SLFN5: variants seen among roughly 807,000 people sequenced by gnomAD.
SLFN5 encodes the protein schlafen family member 5.
SLFN5 carries 34 observed loss-of-function variants against 48.5 expected under a neutral mutation model. That is an observed-to-expected ratio of 0.70 (90% CI 0.53 to 0.93). SLFN5 has a LOEUF of 0.93. Ranked by LOEUF, SLFN5 falls within the 40% of genes least tolerant of loss-of-function variation. SLFN5 has a pLI of 0.00. For missense variants in SLFN5, 1,006 were observed against 1,071.3 expected (o/e 0.94, Z 0.85); for synonymous variants, 387 against 396.2 (o/e 0.98, Z 0.28).
intron 2 of SLFN5, among the ~76,000 whole-genome samples, chr17:35,260,713 T>A (rs7210615): frequency 0.61 from 92,122 of 151,954 alleles, 28,129 homozygotes; most frequent in Middle Eastern, 0.75. Flanking sequence ...ACTGTTTCAA[T>A]AAATAAATAA....
At chr17:35,260,795 AT>A (rs999445185) in intron 2 of SLFN5, among the ~76,000 whole-genome samples, 175 bp from the exon 3 acceptor site, 15 of 152,074 alleles carry the variant, frequency 9.9e-5, no homozygotes, top group Admixed American at 9.2e-4. Context: ...ATGCTAGGTT[AT>A]TTTTTCCTTC....
intron 3 of SLFN5, among the ~76,000 whole-genome samples, chr17:35,262,042 A>G (rs562997264): frequency 1.2e-4 from 18 of 152,166 alleles, no homozygotes; most frequent in African/African-American, 3.9e-4. Context: ...CAATGCTATA[A>G]TATACATTTT....
chr17:35,250,557 G>T (rs927246035), intron 1 of SLFN5, among the ~76,000 whole-genome samples: 2 of 152,062 alleles, frequency 1.3e-5, no homozygotes, highest in African/African-American at 4.8e-5. Context: ...CTACTCGGGA[G>T]GCTGAGGCAG....
At chr17:35,264,091 A>C in intron 3 of SLFN5, 92 bp from the exon 4 acceptor site, 2 of 1,418,374 alleles carry the variant, frequency 1.4e-6, no homozygotes, top group Non-Finnish European at 1.9e-6. Context: ...TACATAGTAG[A>C]GTCCCAGTGT....
chr17:35,264,060 T>C (rs994514545), intron 3 of SLFN5, 123 bp from the exon 4 acceptor site: 2 of 1,151,950 alleles, frequency 1.7e-6, no homozygotes, highest in Admixed American at 3.1e-5. Context: ...TTTTTATTAC[T>C]AATGTATAAC....
rs1240924632 is a variant in SLFN5 at position 35,255,910 on chromosome 17, CT to C, written c.-40-2737del. On this transcript the variant is annotated intron_variant, in intron 1 of 4. Coordinates refer to ENST00000299977, the MANE Select transcript of SLFN5 (RefSeq NM_144975.4). ...TTTTGAATGTTCTATTATTTCCTTA[CT>C]TTTCTTTATGATATTACTACCTATA... 6.3e-4 allele frequency among the ~76,000 whole-genome samples: 96 copies of C among 152,264 alleles called. 1 individual carries two copies. Among genetic ancestry groups the C allele is most frequent in the African/African-American group, 2.3e-3 (95 of 41,550 alleles).
chr17:35,262,910 C>T (rs897546674), intron 3 of SLFN5, among the ~76,000 whole-genome samples: 1 of 152,098 alleles, frequency 6.6e-6, no homozygotes, highest in Non-Finnish European at 1.5e-5. Flanking sequence ...CAAACTCTCC[C>T]CAAATCCCTA....
At chr17:35,243,476 A>G (rs768741949) in intron 1 of SLFN5, among the ~76,000 whole-genome samples, 67 of 152,322 alleles carry the variant, frequency 4.4e-4, no homozygotes, top group Admixed American at 2.6e-4. Flanking sequence ...AGCACGAAGG[A>G]CTTAAGGGAA....
At chr17:35,246,117 A>T (rs556044161) in intron 1 of SLFN5, among the ~76,000 whole-genome samples, 2 of 152,252 alleles carry the variant, frequency 1.3e-5, no homozygotes, top group South Asian at 4.1e-4. Context: ...CAATGTGCTT[A>T]TTTGTATCCA....
At chr17:35,249,050 A>T (rs545664730) in intron 1 of SLFN5, among the ~76,000 whole-genome samples, 1 of 152,320 alleles carries the variant, frequency 6.6e-6, no homozygotes, top group East Asian at 1.9e-4. Flanking sequence ...GCAAACAAAA[A>T]AATAAAACTG....
At position 35,258,853 on chromosome 17, in the gene SLFN5, G is replaced by C. The variant is rs994345205; in HGVS notation, c.163G>C (p.Gly55Arg). 1 of 1,614,182 alleles carries C rather than the reference G, an allele frequency of 6.2e-7. No homozygotes were observed. Among genetic ancestry groups the C allele is most frequent in the Admixed American group, 1.7e-5 (1 of 60,020 alleles). The change falls in exon 2 of 5, where the codon GGG becomes CGG. Residue 55 changes from glycine to arginine, a missense_variant. Transcript: ENST00000299977. ...RAVCALLNSG[G>R]GIIKAEIENK... Reference sequence around the variant, plus strand: ...AGTATGTGCTCTGCTGAATTCTGGTGGGGGCATAATCAAGGCTGAGATTGA... The same window carrying C: ...AGTATGTGCTCTGCTGAATTCTGGTCGGGGCATAATCAAGGCTGAGATTGA...
At chr17:35,259,820 A>AG in intron 2 of SLFN5, 118 bp downstream of exon 2, 1 of 1,241,156 alleles carries the variant, frequency 8.1e-7, no homozygotes. Flanking sequence ...TTACTCTCTG[A>AG]TTTGCAATTG....
chr17:35,257,595 T>C lies in SLFN5; in HGVS notation c.-40-1056T>C, dbSNP rs532472539. 2.5e-4 allele frequency among the ~76,000 whole-genome samples: 38 copies of C among 152,016 alleles called. No homozygotes were observed. The South Asian group carries it at 4.6e-3, about 18-fold the overall frequency. ...TGCTTGATGTCTTGTGGAGTTACTA[T>C]GGAGCAAGCTGAATAACTGCAGCCT... On this transcript the variant is annotated intron_variant, in intron 1 of 4. Coordinates refer to ENST00000299977, the MANE Select transcript of SLFN5 (RefSeq NM_144975.4).
Position 35,265,453 on chromosome 17 carries a change from A to G in SLFN5, c.2241A>G (p.Glu747=), listed in dbSNP as rs765575450. ...CTGGGTCCCTGGTGATGCTCTATGA[A>G]CCTAAATGGGCTCAAGGTGTCCCAG... ...LPPGSLVMLY[E]PKWAQGVPGN... The change falls in exon 5 of 5, where the codon GAA becomes GAG. Residue 747 remains glutamate (E), a synonymous_variant. Coordinates refer to ENST00000299977, the MANE Select transcript of SLFN5 (RefSeq NM_144975.4). 1 of 1,613,554 alleles carries G rather than the reference A, an allele frequency of 6.2e-7. No individual in the cohort carries two copies. Among genetic ancestry groups the G allele is most frequent in the South Asian group, 1.1e-5 (1 of 91,086 alleles).
rs1904764756 is a variant in SLFN5 at position 35,268,822 on chromosome 17, A to G, written c.*2934A>G. On this transcript the variant is annotated 3_prime_UTR_variant, in exon 5 of 5. Coordinates refer to ENST00000299977, the MANE Select transcript of SLFN5 (RefSeq NM_144975.4). Reference sequence around the variant, plus strand: ...TTGAAGGCCTGTCCCACTGTACCCAATTTCTCCCTCTCTGAACTGCAGCCT... The same window carrying G: ...TTGAAGGCCTGTCCCACTGTACCCAGTTTCTCCCTCTCTGAACTGCAGCCT... 1 of 152,196 alleles carries G rather than the reference A, an allele frequency of 6.6e-6. No homozygotes were observed. Among genetic ancestry groups the G allele is most frequent in the African/African-American group, 2.4e-5 (1 of 41,434 alleles). 9.4% of individuals were successfully genotyped at this position (152,196 alleles called of 1,614,324 possible).
chr17:35,256,998 G>T (rs1233535220), intron 1 of SLFN5, among the ~76,000 whole-genome samples: 1 of 152,138 alleles, frequency 6.6e-6, no homozygotes, highest in Non-Finnish European at 1.5e-5. Flanking sequence ...TGTGAACTGT[G>T]CATGTGAGGG....
Position 35,266,058 on chromosome 17 carries a change from G to C in SLFN5, c.*170G>C, listed in dbSNP as rs977908964. On this transcript the variant is annotated 3_prime_UTR_variant, in exon 5 of 5. Transcript: ENST00000299977. ...AGATTCCTCCTTTAGGGCAGAGACA[G>C]ACCACTGACAAATACACAGATAGAC... 1 of 673,664 alleles carries C rather than the reference G, an allele frequency of 1.5e-6. No homozygotes were observed. The highest frequency in any genetic ancestry group is 1.8e-5 in the African/African-American group (1 of 55,180). The allele number at this position is 673,664 out of a possible 1,614,324, so 41.7% of individuals were successfully genotyped here.
chr17:35,259,564 T>G lies in SLFN5; in HGVS notation c.874T>G (p.Tyr292Asp). 6.2e-7 allele frequency: 1 copy of G among 1,613,848 alleles called. No individual in the cohort carries two copies. Among genetic ancestry groups the G allele is most frequent in the East Asian group, 2.2e-5 (1 of 44,890 alleles). The change falls in exon 2 of 5, where the codon TAT becomes GAT. Residue 292 changes from tyrosine to aspartate, a missense_variant. By Grantham distance (160) the Tyr-to-Asp change is radical (BLOSUM62 -3). Transcript: ENST00000299977. Reference sequence around the variant, plus strand: ...GCATGATAAGGGGGCCCTCCGTGGATATGTCTGTGCAATCAAGGTGGAGAA... The same window carrying G: ...GCATGATAAGGGGGCCCTCCGTGGAGATGTCTGTGCAATCAAGGTGGAGAA... The part of the protein sequence containing the change: ...EVHDKGALRG[Y>D]VCAIKVEKFC...
intron 1 of SLFN5, among the ~76,000 whole-genome samples, chr17:35,247,318 A>G (rs2092433126): frequency 6.6e-6 from 1 of 152,160 alleles, no homozygotes; most frequent in African/African-American, 2.4e-5. Flanking sequence ...TGAGGCTTTG[A>G]CAAATGTGAG....
Sources: allele counts gnomAD v4.1 joint callset (sites outside exome capture counted in the v4.1 genomes callset), GRCh38; gene constraint gnomAD v4.1.1; transcripts MANE v1.5; gene names NCBI Gene and HGNC (gene_info 2026-07-23, HGNC 2026-07-21).